Variants in RIMKLB observed in about 807,000 individuals in gnomAD.
RIMKLB encodes the protein beta-citrylglutamate synthase B.
A neutral mutation model predicts 32.0 loss-of-function variants in RIMKLB; 7 were observed. The ratio of observed to expected loss-of-function variants is 0.22; its 90% CI spans 0.12 to 0.41. RIMKLB has a LOEUF of 0.41. RIMKLB is among the 10% of genes least tolerant of loss of function. The pLI, the probability that RIMKLB is intolerant of heterozygous loss-of-function variation, is 1.00. For synonymous variants in RIMKLB, 172 were observed against 185.1 expected, an observed-to-expected ratio of 0.93 and a Z score of 0.57; for missense variants, 289 against 498.7, an observed-to-expected ratio of 0.58 and a Z score of 4.00.
At position 8,775,105 on chromosome 12, in the gene RIMKLB, G is replaced by T. The variant is rs1950656593; in HGVS notation, c.*1321G>T. The T allele has an allele frequency of 1.2e-5, 12 of 985,524 alleles. No individual in the cohort carries two copies. The highest frequency in any genetic ancestry group is 1.4e-5 in the Non-Finnish European group (12 of 829,768). 61.0% of individuals were successfully genotyped at this position (985,524 alleles called of 1,614,324 possible). ...CTTTTTGTGTATATGTACGTTGTTT[G>T]TTTTTTTCCTTTTGTTTCTAGCCTG... On this transcript the variant is annotated 3_prime_UTR_variant, in exon 6 of 6. Coordinates refer to ENST00000535829, the MANE Select transcript of RIMKLB (RefSeq NM_001297776.2).
intron 5 of RIMKLB, among the ~76,000 whole-genome samples, chr12:8,770,262 C>CTATTGTAGCAGTA (rs1178829407): frequency 6.6e-6 from 1 of 152,164 alleles, no homozygotes; most frequent in Non-Finnish European, 1.5e-5. Flanking sequence ...CGCGCCTGGC[C>CTATTGTAGCAGTA]TATTGTAGCA....
chr12:8,761,271 GCA>G (rs1491391145), intron 5 of RIMKLB, among the ~76,000 whole-genome samples: 17 of 76,014 alleles, frequency 2.2e-4, no homozygotes, highest in African/African-American at 1.1e-3. Flanking sequence ...GGGGGAGATA[GCA>G]AAAAAAAAAA....
rs1378526155 is a variant in RIMKLB, at chr12:8,775,898, T to G, written c.*2114T>G. The G allele has an allele frequency of 4.1e-6, 4 of 985,054 alleles. No individual in the cohort carries two copies. The Admixed American group carries it at 2.5e-4, about 61-fold the overall frequency. The allele number at this position is 985,054 out of a possible 1,614,324, so 61.0% of individuals were successfully genotyped here. Reference sequence around the variant, plus strand: ...AAATGGGGGACTCACATACATATATTAATACCTCTGACTCATTAACAGAAA... The same window carrying G: ...AAATGGGGGACTCACATACATATATGAATACCTCTGACTCATTAACAGAAA... On this transcript the variant is annotated 3_prime_UTR_variant, in exon 6 of 6. Transcript: ENST00000535829.
chr12:8,776,571 A>G lies in RIMKLB; in HGVS notation c.*2787A>G. ...TGTAATTCTAAATTGTATTTCAAAAATGATTATTTCTGATATTGTTTTTAT... is the reference window on the plus strand; with the variant it reads ...TGTAATTCTAAATTGTATTTCAAAAGTGATTATTTCTGATATTGTTTTTAT... On this transcript the variant is annotated 3_prime_UTR_variant, in exon 6 of 6. Coordinates refer to ENST00000535829, the MANE Select transcript of RIMKLB (RefSeq NM_001297776.2). The G allele has an allele frequency of 1.2e-6, 1 of 831,786 alleles. No individual in the cohort carries two copies. Among genetic ancestry groups the G allele is most frequent in the South Asian group, 5.5e-5 (1 of 18,022 alleles). 51.5% of individuals were successfully genotyped at this position (831,786 alleles called of 1,614,324 possible). A position where few individuals can be genotyped will look rare whatever the true frequency, so the allele number is the denominator to read the frequency against.
upstream of RIMKLB, among the ~76,000 whole-genome samples, chr12:8,677,932 A>ATATTTATT (rs35415396): frequency 5.9e-4 from 87 of 148,450 alleles, no homozygotes; most frequent in East Asian, 1.9e-3. Flanking sequence ...TATTTTTATT[A>ATATTTATT]TATTTATTTA....
chr12:8,778,542 T>A (rs903985768), downstream of RIMKLB, among the ~76,000 whole-genome samples: 3 of 152,178 alleles, frequency 2.0e-5, no homozygotes, highest in Non-Finnish European at 2.9e-5. Flanking sequence ...ACAAGATGGC[T>A]AAGCACATTA....
chr12:8,698,828 A>G (rs1185545427), intron 1 of RIMKLB, among the ~76,000 whole-genome samples: 1 of 152,072 alleles, frequency 6.6e-6, no homozygotes, highest in Non-Finnish European at 1.5e-5. Flanking sequence ...AGAGAGTGTG[A>G]CAGTCATTCC....
chr12:8,680,475 G>C (rs933454423), upstream of RIMKLB, among the ~76,000 whole-genome samples: 2 of 152,184 alleles, frequency 1.3e-5, no homozygotes, highest in African/African-American at 4.8e-5. Context: ...CCCTTATTTA[G>C]CATAGCATCA....
chr12:8,776,794 CCAA>C lies in RIMKLB; in HGVS notation c.*3014_*3016del, dbSNP rs762834016. The stretch of plus-strand genomic sequence containing the variant: ...AACTACCCTGGAACAGTAGAAAAAC[CCAA>C]CAAGAGACTTGGCATTCATCAAGCA... On this transcript the variant is annotated 3_prime_UTR_variant, in exon 6 of 6. Transcript: ENST00000535829. 6.1e-6 allele frequency: 6 copies of C among 985,426 alleles called. No individual in the cohort carries two copies. The highest frequency in any genetic ancestry group is 7.2e-6 in the Non-Finnish European group (6 of 829,800). 61.0% of individuals were successfully genotyped at this position (985,426 alleles called of 1,614,324 possible).
chr12:8,682,803 T>TA (rs34405359), intron 1 of RIMKLB, among the ~76,000 whole-genome samples: 92,762 of 132,352 alleles, frequency 0.7, 32,886 homozygotes, highest in East Asian at 0.98. Context: ...ATAAATAAAT[T>TA]AAAAAAAAAA....
chr12:8,681,572 A>C (rs768357298), upstream of RIMKLB: 4 of 152,356 alleles, frequency 2.6e-5, no homozygotes, highest in South Asian at 8.3e-4. Flanking sequence ...ACCAAGGGAT[A>C]AGAGGACTGG....
intron 5 of RIMKLB, among the ~76,000 whole-genome samples, chr12:8,758,776 T>A (rs1949288198): frequency 6.6e-6 from 1 of 152,216 alleles, no homozygotes; most frequent in South Asian, 2.1e-4. Flanking sequence ...GAACACTACT[T>A]ATTGAATAGT....
chr12:8,718,211 A>G (rs1250834744), intron 2 of RIMKLB, among the ~76,000 whole-genome samples: 1 of 152,166 alleles, frequency 6.6e-6, no homozygotes, highest in Non-Finnish European at 1.5e-5. Context: ...GTGTTCTAGC[A>G]GGTTTTTGTT....
chr12:8,700,648 G>C (rs1943304982), intron 1 of RIMKLB: 1 of 152,210 alleles, frequency 6.6e-6, no homozygotes, highest in Non-Finnish European at 1.5e-5. Flanking sequence ...GCTGACAACT[G>C]TTTTGGGGGC....
intron 5 of RIMKLB, among the ~76,000 whole-genome samples, chr12:8,755,154 G>A (rs1232217906): frequency 2.0e-5 from 3 of 152,244 alleles, no homozygotes; most frequent in East Asian, 1.9e-4. Context: ...GTTTCACCAT[G>A]TTGACCAGGC....
intron 1 of RIMKLB, among the ~76,000 whole-genome samples, chr12:8,683,547 A>T (rs1483795309): frequency 6.6e-6 from 1 of 152,156 alleles, no homozygotes; most frequent in Non-Finnish European, 1.5e-5. Flanking sequence ...TGCCATCTGT[A>T]TATCTTTGAT....
At chr12:8,715,748 C>CAT (rs1456912786) in intron 2 of RIMKLB, among the ~76,000 whole-genome samples, 1 of 152,158 alleles carries the variant, frequency 6.6e-6, no homozygotes, top group African/African-American at 2.4e-5. Flanking sequence ...ATAAAGTCCT[C>CAT]ATATATTCTA....
At chr12:8,713,772 C>G (rs745811219) in intron 1 of RIMKLB, 39 bp from the exon 2 acceptor site, 12 of 1,229,012 alleles carry the variant, frequency 9.8e-6, no homozygotes, top group African/African-American at 1.5e-5. Flanking sequence ...AAGTAGATTT[C>G]TTGATTTACC....
At chr12:8,725,861 T>G (rs1945934607) in intron 2 of RIMKLB, among the ~76,000 whole-genome samples, 1 of 152,178 alleles carries the variant, frequency 6.6e-6, no homozygotes, top group Non-Finnish European at 1.5e-5. Context: ...GTTCGTTTGT[T>G]TTTTGAGACA....
Sources: gnomAD v4.1 joint callset for allele counts (sites outside exome capture counted in the v4.1 genomes callset) on GRCh38, gnomAD v4.1.1 for gene constraint, MANE v1.5 for transcripts, NCBI Gene and HGNC (gene_info 2026-07-23, HGNC 2026-07-21) for gene names.